The following MESP1 variants were observed in gnomAD, a reference collection of about 807,000 sequenced individuals.
MESP1 encodes mesoderm posterior bHLH transcription factor 1.
MESP1 carries 22 observed loss-of-function variants against 15.2 expected under a neutral mutation model. The ratio of observed to expected loss-of-function variants is 1.45; its 90% CI spans 1.04 to 2.07. The LOEUF (loss-of-function observed/expected upper bound fraction) is 2.07. MESP1 is among the 30% of genes most tolerant of loss of function. The probability of loss-of-function intolerance (pLI) is 0.00; values close to 1 mark genes in which losing one functional copy is unlikely to be tolerated. For synonymous variants in MESP1, 216 were observed against 192.6 expected, an observed-to-expected ratio of 1.12 and a Z score of -1.01; for missense variants, 484 against 411.9, an observed-to-expected ratio of 1.17 and a Z score of -1.51.
chr15:89,739,570 T>A, the MESP1 span, among the ~76,000 whole-genome samples: 1 of 152,174 alleles, frequency 6.6e-6, no homozygotes, highest in African/African-American at 2.4e-5. Flanking sequence ...TTCTAATCCA[T>A]CTCACAATAA....
chr15:89,744,370 T>C, the MESP1 span, among the ~76,000 whole-genome samples: 43 of 152,282 alleles, frequency 2.8e-4, no homozygotes, highest in East Asian at 7.9e-3. Context: ...CACCCCACCA[T>C]GGGAATGAAA....
rs779264307 is a variant in MESP1 at position 89,750,255 on chromosome 15, C to A, written c.724-28G>T. On this transcript the variant is annotated intron_variant, in intron 1 of 1. Transcript: ENST00000300057. ...GTAGGGAGAGACGGAACAGCGCAGC[C>A]CTCAAGCACTGGTGGCCTTGTGCGG... 4 of 1,612,202 alleles carry A rather than the reference C, an allele frequency of 2.5e-6. No homozygotes were observed. In the South Asian group the frequency reaches 4.4e-5, roughly 18 times the overall value.
chr15:89,749,097 C>T (rs1351229530), downstream of MESP1: 2 of 152,188 alleles, frequency 1.3e-5, no homozygotes, highest in Non-Finnish European at 2.9e-5. Context: ...GACACACTTT[C>T]TGGGCTCAAG....
At chr15:89,747,463 G>C (rs1404927638), downstream of MESP1, among the ~76,000 whole-genome samples, 1 of 152,242 alleles carries the variant, frequency 6.6e-6, no homozygotes, top group African/African-American at 2.4e-5. Context: ...CTGGGGACTA[G>C]TGGGGACCAG....
chr15:89,744,983 G>A (rs768935395), downstream of MESP1, among the ~76,000 whole-genome samples: 3 of 152,214 alleles, frequency 2.0e-5, no homozygotes, highest in Non-Finnish European at 4.4e-5. Flanking sequence ...CAGGGCTGCG[G>A]CAGGTGTCCA....
chr15:89,740,427 G>A, the MESP1 span, among the ~76,000 whole-genome samples: 1 of 152,134 alleles, frequency 6.6e-6, no homozygotes, highest in Non-Finnish European at 1.5e-5. Context: ...AGAAGGCGAT[G>A]GTTGACATTG....
the MESP1 span, among the ~76,000 whole-genome samples, chr15:89,736,389 GA>G: frequency 6.6e-6 from 1 of 152,260 alleles, no homozygotes; most frequent in Non-Finnish European, 1.5e-5. Context: ...GCCAAGGGCT[GA>G]AAATGTAGAT....
Position 89,750,695 on chromosome 15 carries a change from C to T in MESP1, c.537G>A (p.Gln179=), listed in dbSNP as rs1968072592. The T allele has an allele frequency of 7.3e-6, 10 of 1,370,460 alleles. No homozygotes were observed. The highest frequency in any genetic ancestry group is 8.4e-6 in the Non-Finnish European group (9 of 1,067,162). 84.9% of individuals were successfully genotyped at this position (1,370,460 alleles called of 1,614,324 possible). The part of the protein sequence containing the change: ...DCPAQMQTRT[Q]AEGQGQGRGL... ...CGCGCCCCTGCCCCTGCCCCTCAGCCTGCGTCCGTGTCTGCATCTGCGCGG... is the reference window on the plus strand; with the variant it reads ...CGCGCCCCTGCCCCTGCCCCTCAGCTTGCGTCCGTGTCTGCATCTGCGCGG... Residue 179 remains glutamine, a synonymous_variant, in exon 1 of 2, where the codon CAG becomes CAA. Transcript: ENST00000300057.
Position 89,750,718 on chromosome 15 carries a change from C to A in MESP1, c.514G>T (p.Ala172Ser). The A allele has an allele frequency of 1.4e-6, 2 of 1,395,278 alleles. No individual in the cohort carries two copies. The highest frequency in any genetic ancestry group is 9.3e-7 in the Non-Finnish European group (1 of 1,078,986). The allele number at this position is 1,395,278 out of a possible 1,614,324, so 86.4% of individuals were successfully genotyped here. Reference sequence around the variant, plus strand: ...GCCTGCGTCCGTGTCTGCATCTGCGCGGGGCAGTCGTCGGGGCACAGCGGG... The same window carrying A: ...GCCTGCGTCCGTGTCTGCATCTGCGAGGGGCAGTCGTCGGGGCACAGCGGG... ...GCPLCPDDCP[A>S]QMQTRTQAEG... Residue 172 changes from alanine (A) to serine (S), a missense_variant, in exon 1 of 2, where the codon GCG becomes TCG. Transcript: ENST00000300057.
the MESP1 span, among the ~76,000 whole-genome samples, chr15:89,737,082 C>T: frequency 4.9e-4 from 74 of 152,290 alleles, no homozygotes; most frequent in East Asian, 0.012. Flanking sequence ...TGAGCCATCG[C>T]GCCCGGCCAA....
chr15:89,738,751 AAAG>A, the MESP1 span, among the ~76,000 whole-genome samples: 1 of 152,162 alleles, frequency 6.6e-6, no homozygotes, highest in Non-Finnish European at 1.5e-5. Context: ...GGCTGGGAGA[AAAG>A]AAGGGCTTCC....
the MESP1 span, chr15:89,735,533 G>A: frequency 1.2e-6 from 2 of 1,614,062 alleles, no homozygotes; most frequent in Non-Finnish European, 1.7e-6. Context: ...CGTGGCCCCA[G>A]TCCCAGCCTT....
At chr15:89,737,073 G>C in the MESP1 span, among the ~76,000 whole-genome samples, 1 of 152,344 alleles carries the variant, frequency 6.6e-6, no homozygotes, top group South Asian at 2.1e-4. Flanking sequence ...TTACAGGCAT[G>C]AGCCATCGCG....
chr15:89,738,130 G>A, the MESP1 span: 2 of 1,614,172 alleles, frequency 1.2e-6, no homozygotes, highest in South Asian at 1.1e-5. Flanking sequence ...CCCACTCCTG[G>A]AAAATATCTC....
the MESP1 span, chr15:89,737,855 C>A: frequency 2.1e-6 from 3 of 1,413,390 alleles, no homozygotes; most frequent in African/African-American, 1.4e-5. Flanking sequence ...CCAAAGGGTA[C>A]CGCAGCTCAG....
the MESP1 span, among the ~76,000 whole-genome samples, chr15:89,741,544 A>C: frequency 6.6e-6 from 1 of 152,190 alleles, no homozygotes; most frequent in African/African-American, 2.4e-5. Flanking sequence ...AAACCATTAC[A>C]GATACAGGGA....
the MESP1 span, among the ~76,000 whole-genome samples, chr15:89,733,615 G>A: frequency 6.6e-6 from 1 of 152,000 alleles, no homozygotes; most frequent in South Asian, 2.1e-4. Flanking sequence ...GGAAATAGTG[G>A]CTTTATAAGA....
downstream of MESP1, among the ~76,000 whole-genome samples, chr15:89,745,978 TCCACACCTCCAC>T: frequency 7.1e-6 from 1 of 139,946 alleles, no homozygotes; most frequent in Non-Finnish European, 1.6e-5. This position sits in a 1 kb window ranked among gnomAD's most constrained non-coding sequence, Gnocchi z 4.8. Context: ...CCTCCACACA[TCCACACCTCCAC>T]GCATACACAC....
chr15:89,743,499 C>T, the MESP1 span: 12 of 1,057,832 alleles, frequency 1.1e-5, no homozygotes, highest in Non-Finnish European at 1.7e-5. Flanking sequence ...CTCCACAGGC[C>T]TGCACTCGGA....
Sources: allele counts gnomAD v4.1 joint callset (sites outside exome capture counted in the v4.1 genomes callset), GRCh38; gene constraint gnomAD v4.1.1; non-coding constraint Gnocchi (gnomAD v3.1); transcripts MANE v1.5; gene names NCBI Gene and HGNC (gene_info 2026-07-23, HGNC 2026-07-21).